Variants in LAMA2 observed in about 807,000 individuals in gnomAD.
The protein encoded by LAMA2 is laminin subunit alpha-2.
LAMA2 carries 269 observed loss-of-function variants against 364.8 expected under a neutral mutation model. That is an observed-to-expected ratio of 0.74 (90% CI 0.67 to 0.82). The LOEUF (loss-of-function observed/expected upper bound fraction) is 0.82, where lower values mean the gene tolerates loss of function less well. Ranked by LOEUF, LAMA2 falls within the 40% of genes least tolerant of loss-of-function variation. The pLI is 0.00. For synonymous variants in LAMA2, 1,379 were observed against 1,370.6 expected (o/e 1.01, Z -0.14); for missense variants, 3,807 against 3,873.2 (o/e 0.98, Z 0.45).
intron 31 of LAMA2, among the ~76,000 whole-genome samples, chr6:129,352,287 A>T (rs1776894493): frequency 6.6e-6 from 1 of 152,228 alleles, no homozygotes; most frequent in African/African-American, 2.4e-5. Context: ...ACACGGAGTG[A>T]AATACACTTA....
intron 40 of LAMA2, among the ~76,000 whole-genome samples, chr6:129,419,908 A>G: frequency 6.6e-6 from 1 of 152,250 alleles, no homozygotes. Context: ...AATAACCTAT[A>G]GTACTTAAAA....
At position 129,149,096 on chromosome 6, in the gene LAMA2, G is replaced by A. The variant is rs769372458; in HGVS notation, c.1027G>A (p.Ala343Thr). The A allele has an allele frequency of 2.6e-6, 4 of 1,567,468 alleles. No homozygotes were observed. The Admixed American group carries it at 6.7e-5, about 26-fold the overall frequency. ...GTFLTKTECEACNCHGKAEEC... is the reference protein window; with the variant it reads ...GTFLTKTECETCNCHGKAEEC... ...TTTTCTAACTAAAACTGAATGTGAA[G>A]GTATGTTCTTTAGAAGCCAACAAAA... The change falls in exon 7 of 65, where the codon GCA becomes ACA. Residue 343 changes from alanine (A) to threonine (T), a missense_variant and splice_region_variant. Ala to Thr is a moderately conservative substitution (Grantham distance 58). Around this residue, in one of 3 missense-constraint regions of LAMA2, gnomAD observed 80 missense variants for 124.0 expected, o/e 0.65. Transcript: ENST00000421865.
chr6:129,062,911 G>GT (rs1789026301), intron 3 of LAMA2, among the ~76,000 whole-genome samples: 3 of 110,006 alleles, frequency 2.7e-5, no homozygotes, highest in African/African-American at 1.2e-4. Flanking sequence ...GATTACAGTG[G>GT]GTTTTTTTTT....
In LAMA2 at chr6:129,097,352, A is replaced by G. The variant is rs77423630; in HGVS notation, c.397-821A>G. ...TTTTGGACTACATTGGTAAAGACAC[A>G]GATATGCACTACCACAAAACATCTA... is the stretch of plus-strand genomic sequence containing the variant. On this transcript the variant is annotated intron_variant, in intron 3 of 64. Transcript: ENST00000421865. 9.0e-3 allele frequency among the ~76,000 whole-genome samples: 1,365 copies of G among 152,360 alleles called. 11 individuals carry two copies. The highest frequency in any genetic ancestry group is 0.024 in the Middle Eastern group (7 of 294).
chr6:128,931,597 G>A (rs977258943), intron 1 of LAMA2, among the ~76,000 whole-genome samples: 15 of 152,158 alleles, frequency 9.9e-5, no homozygotes, highest in African/African-American at 3.6e-4. Flanking sequence ...GACATGAATG[G>A]TACAGGAGAA....
At chr6:128,918,183 ATTC>A (rs913846257) in intron 1 of LAMA2, among the ~76,000 whole-genome samples, 2 of 152,184 alleles carry the variant, frequency 1.3e-5, no homozygotes, top group African/African-American at 4.8e-5. Context: ...AAATATAATT[ATTC>A]TTCTTCCCAA....
rs545501463 is a variant in LAMA2 at position 129,500,741 on chromosome 6, G to C, written c.8245-1918G>C. Among the ~76,000 whole-genome samples, 7 of 152,262 alleles carry C rather than the reference G, an allele frequency of 4.6e-5. No individual in the cohort carries two copies. The East Asian group carries it at 1.3e-3, about 29-fold the overall frequency. On this transcript the variant is annotated intron_variant, in intron 58 of 64. Coordinates refer to ENST00000421865, the MANE Select transcript of LAMA2 (RefSeq NM_000426.4). The stretch of plus-strand genomic sequence containing the variant: ...AAAACTGCTGCTTAGCTCAGGACCA[G>C]TTTTGGATACACCTGTCCAGTCTAC...
intron 39 of LAMA2, among the ~76,000 whole-genome samples, chr6:129,403,493 C>G (rs540969284): frequency 2.6e-5 from 4 of 152,174 alleles, no homozygotes; most frequent in Non-Finnish European, 4.4e-5. Flanking sequence ...TACAAGTGCT[C>G]TGAATCTCAC....
intron 32 of LAMA2, among the ~76,000 whole-genome samples, chr6:129,362,512 T>A (rs189039508): frequency 3.3e-5 from 5 of 152,306 alleles, no homozygotes; most frequent in Middle Eastern, 3.4e-3. Context: ...ACATTAACCC[T>A]TGCCATTCTC....
Position 129,312,938 on chromosome 6 carries a change from A to G in LAMA2, c.3252A>G (p.Lys1084=), listed in dbSNP as rs762966634. 19 of 1,614,082 alleles carry G rather than the reference A, an allele frequency of 1.2e-5. No individual in the cohort carries two copies. The highest frequency in any genetic ancestry group is 7.6e-6 in the Non-Finnish European group (9 of 1,180,048). The change falls in exon 23 of 65, where the codon AAA becomes AAG. Residue 1084 remains lysine, a synonymous_variant. Transcript: ENST00000421865. The part of the protein sequence containing the change: ...VNTGQCNCHP[K]FSGAKCTECS... Reference sequence around the variant, plus strand: ...CAGGCCAATGCAACTGTCATCCAAAATTCTCTGGTGCAAAATGTACAGAGT... The same window carrying G: ...CAGGCCAATGCAACTGTCATCCAAAGTTCTCTGGTGCAAAATGTACAGAGT...
Position 129,438,707 on chromosome 6 carries a change from G to C in LAMA2, c.6030G>C (p.Gly2010=), listed in dbSNP as rs2114761123. ...TAGAAAATGCTGATGCTAGAAATGG[G>C]GATCTCTTGAGAACTTTGAATGACA... ...TRIENADARN[G]DLLRTLNDTL... The change falls in exon 42 of 65, where the codon GGG becomes GGC. Residue 2010 remains glycine (G), a synonymous_variant. Transcript: ENST00000421865. 6.2e-7 allele frequency: 1 copy of C among 1,610,136 alleles called. No homozygotes were observed. Among genetic ancestry groups the C allele is most frequent in the South Asian group, 1.1e-5 (1 of 90,996 alleles).
At chr6:129,174,321 T>G (rs1780423072) in intron 9 of LAMA2, among the ~76,000 whole-genome samples, 1 of 152,160 alleles carries the variant, frequency 6.6e-6, no homozygotes, top group African/African-American at 2.4e-5. Context: ...TACTCTTTTT[T>G]ACTCATCTAC....
chr6:129,353,389 A>T, intron 32 of LAMA2, 32 bp downstream of exon 32: 1 of 1,565,346 alleles, frequency 6.4e-7, no homozygotes, highest in Non-Finnish European at 8.8e-7. Flanking sequence ...TTAGTTTTGG[A>T]GGCCTTGATT....
At chr6:129,499,204 C>T (rs188372675) in intron 58 of LAMA2, among the ~76,000 whole-genome samples, 1 of 152,252 alleles carries the variant, frequency 6.6e-6, no homozygotes, top group East Asian at 1.9e-4. Context: ...TTTAAAAAGT[C>T]CCCACAAGGT....
intron 1 of LAMA2, among the ~76,000 whole-genome samples, chr6:128,941,825 T>A (rs545769193): frequency 6.6e-6 from 1 of 152,192 alleles, no homozygotes; most frequent in Non-Finnish European, 1.5e-5. Flanking sequence ...TGGTGGTTTT[T>A]CAAATGCACC....
intron 12 of LAMA2, among the ~76,000 whole-genome samples, chr6:129,213,845 T>C (rs1783258017): frequency 6.6e-6 from 1 of 152,198 alleles, no homozygotes; most frequent in East Asian, 1.9e-4. Context: ...ACAGAGAAGA[T>C]GATTTTTAAT....
intron 9 of LAMA2, 150 bp from the exon 10 acceptor site, chr6:129,177,556 C>T (rs1780669703): frequency 1.4e-6 from 1 of 714,170 alleles, no homozygotes; most frequent in South Asian, 1.8e-5. Context: ...AAACCCTCTA[C>T]TCTTTGGTTT....
chr6:129,190,018 T>C (rs1294581175), intron 10 of LAMA2, among the ~76,000 whole-genome samples, 187 bp from the exon 11 acceptor site: 1 of 152,176 alleles, frequency 6.6e-6, no homozygotes, highest in East Asian at 1.9e-4. Context: ...TTCTCACCAG[T>C]GTAATTAGAA....
intron 1 of LAMA2, among the ~76,000 whole-genome samples, chr6:128,956,272 C>G (rs1337986924): frequency 6.6e-6 from 1 of 151,988 alleles, no homozygotes; most frequent in Admixed American, 6.6e-5. Flanking sequence ...CCTGACTCTT[C>G]TGTGAAATTT....
Sources: gnomAD v4.1 joint callset for allele counts (sites outside exome capture counted in the v4.1 genomes callset) on GRCh38, gnomAD v4.1.1 for gene constraint, gnomAD v4.1.1 regional missense constraint, MANE v1.5 for transcripts, NCBI Gene and HGNC (gene_info 2026-07-23, HGNC 2026-07-21) for gene names.